The following PAPPA variants were observed in gnomAD, a reference collection of about 807,000 sequenced individuals.
PAPPA encodes the protein pappalysin-1.
In PAPPA, 60 loss-of-function variants were observed where a neutral mutation model predicts 164.0. The observed-to-expected ratio is 0.37, with a 90% CI of 0.30 to 0.45. The LOEUF (loss-of-function observed/expected upper bound fraction) is 0.45, where lower values mean the gene tolerates loss of function less well. Among genes scored for constraint, PAPPA ranks in the 20% least tolerant of loss-of-function variants. The pLI is 1.00. For missense variants in PAPPA, 1,782 were observed against 2,087.3 expected (o/e 0.85, Z 2.85); for synonymous variants, 875 against 814.1 (o/e 1.07, Z -1.27).
intron 10 of PAPPA, among the ~76,000 whole-genome samples, chr9:116,306,173 G>A (rs752762845): frequency 2.0e-5 from 3 of 152,214 alleles, no homozygotes; most frequent in Non-Finnish European, 4.4e-5. Context: ...CTGTGCTAGA[G>A]CCTGTGGAAG....
intron 7 of PAPPA, among the ~76,000 whole-genome samples, chr9:116,254,389 G>T (rs576449559): frequency 6.6e-6 from 1 of 152,278 alleles, no homozygotes; most frequent in Non-Finnish European, 1.5e-5. Context: ...GGGTTTACTT[G>T]TCAGTCTTTC....
At chr9:116,394,425 C>T (rs1263204557) in intron 21 of PAPPA, among the ~76,000 whole-genome samples, 3 of 152,112 alleles carry the variant, frequency 2.0e-5, no homozygotes, top group African/African-American at 7.2e-5. Flanking sequence ...GAGGGATTTT[C>T]CCAAAATCAT....
intron 20 of PAPPA, among the ~76,000 whole-genome samples, chr9:116,381,188 G>A (rs1846726137): frequency 6.6e-6 from 1 of 152,110 alleles, no homozygotes; most frequent in African/African-American, 2.4e-5. Context: ...GAGGAGATAA[G>A]GTCACTTAAC....
At chr9:116,324,199 A>T (rs895620391) in intron 10 of PAPPA, among the ~76,000 whole-genome samples, 1 of 152,214 alleles carries the variant, frequency 6.6e-6, no homozygotes, top group African/African-American at 2.4e-5. Flanking sequence ...ATCTATGGTT[A>T]AGAATGTGGG....
chr9:116,173,999 C>T (rs1488919902), intron 1 of PAPPA, among the ~76,000 whole-genome samples: 3 of 152,076 alleles, frequency 2.0e-5, no homozygotes, highest in African/African-American at 4.8e-5. Context: ...GGGGTTGAAC[C>T]CCATCTTTGT....
At chr9:116,177,626 A>G (rs1843852607) in intron 1 of PAPPA, among the ~76,000 whole-genome samples, 1 of 152,222 alleles carries the variant, frequency 6.6e-6, no homozygotes, top group Admixed American at 6.5e-5. Context: ...AGCAGGATGC[A>G]CTGGTCCTTG....
chr9:116,289,459 T>C (rs1170591025), intron 9 of PAPPA, among the ~76,000 whole-genome samples: 1 of 150,560 alleles, frequency 6.6e-6, no homozygotes, highest in Non-Finnish European at 1.5e-5. Flanking sequence ...TGCATTGTTT[T>C]ACTTAATGCT....
intron 12 of PAPPA, among the ~76,000 whole-genome samples, chr9:116,334,260 A>AAG (rs1846031647): frequency 6.7e-6 from 1 of 149,114 alleles, no homozygotes; most frequent in Non-Finnish European, 1.5e-5. Flanking sequence ...AAAAAAAAAA[A>AAG]CAGGGCTCTT....
At chr9:116,289,518 T>G (rs1263454288) in intron 9 of PAPPA, among the ~76,000 whole-genome samples, 1 of 151,658 alleles carries the variant, frequency 6.6e-6, no homozygotes, top group Non-Finnish European at 1.5e-5. Context: ...CATTGAATAT[T>G]CCCAATATTT....
In PAPPA at chr9:116,399,072, A is replaced by C. The variant is rs529237523; in HGVS notation, c.*2456A>C. On this transcript the variant is annotated 3_prime_UTR_variant, in exon 22 of 22. Coordinates refer to ENST00000328252, the MANE Select transcript of PAPPA (RefSeq NM_002581.5). ...AGACCCAAAGATGACATTACTAATG[A>C]TGTGATTTCAGGAGCCACAGAAGAA... The C allele has an allele frequency of 2.3e-5, 4 of 170,558 alleles. No homozygotes were observed. Among genetic ancestry groups the C allele is most frequent in the African/African-American group, 9.6e-5 (4 of 41,772 alleles). 10.6% of individuals were successfully genotyped at this position (170,558 alleles called of 1,614,324 possible). A position where few individuals can be genotyped will look rare whatever the true frequency, so the allele number is the denominator to read the frequency against.
At chr9:116,345,019 G>A (rs2118977725) in intron 14 of PAPPA, among the ~76,000 whole-genome samples, 1 of 152,328 alleles carries the variant, frequency 6.6e-6, no homozygotes, top group East Asian at 1.9e-4. Flanking sequence ...ATATCTTACA[G>A]TGAGAACATA....
chr9:116,337,805 G>A (rs1345751501), intron 13 of PAPPA, among the ~76,000 whole-genome samples: 1 of 152,078 alleles, frequency 6.6e-6, no homozygotes, highest in Non-Finnish European at 1.5e-5. Context: ...GAGTCCTGTA[G>A]CAAAACCAGT....
chr9:116,165,855 T>C (rs1036102680), intron 1 of PAPPA, among the ~76,000 whole-genome samples: 1 of 152,242 alleles, frequency 6.6e-6, no homozygotes, highest in African/African-American at 2.4e-5. Flanking sequence ...ACTTGTTCCC[T>C]ACCTTGTTCA....
intron 9 of PAPPA, among the ~76,000 whole-genome samples, chr9:116,299,682 G>T (rs761099626): frequency 6.6e-6 from 1 of 152,160 alleles, no homozygotes; most frequent in Non-Finnish European, 1.5e-5. Flanking sequence ...GTAGGGAGAA[G>T]ATTTCTCTGC....
intron 7 of PAPPA, among the ~76,000 whole-genome samples, chr9:116,249,575 A>T (rs1045524679): frequency 1.3e-5 from 2 of 152,184 alleles, no homozygotes; most frequent in African/African-American, 4.8e-5. Flanking sequence ...ATGGAGGCAT[A>T]GATCAAAATG....
chr9:116,277,298 T>C (rs1019490250), intron 9 of PAPPA, among the ~76,000 whole-genome samples: 2 of 152,138 alleles, frequency 1.3e-5, no homozygotes, highest in Non-Finnish European at 2.9e-5. Context: ...AAGCTTCCCT[T>C]GGCTTGAAGG....
intron 20 of PAPPA, among the ~76,000 whole-genome samples, chr9:116,377,873 G>C (rs1846676236): frequency 6.6e-6 from 1 of 152,186 alleles, no homozygotes; most frequent in South Asian, 2.1e-4. Context: ...ATGGGTAACA[G>C]AGTTGGGTTC....
intron 10 of PAPPA, among the ~76,000 whole-genome samples, chr9:116,330,529 T>C (rs1212933644): frequency 1.3e-5 from 2 of 152,148 alleles, no homozygotes; most frequent in Admixed American, 1.3e-4. Flanking sequence ...AGAATCCTGC[T>C]TGTCTATAAA....
At chr9:116,230,183 C>CT (rs1348967957) in intron 6 of PAPPA, among the ~76,000 whole-genome samples, 5 of 152,144 alleles carry the variant, frequency 3.3e-5, no homozygotes, top group African/African-American at 1.2e-4. Flanking sequence ...AGACACTGTT[C>CT]TTTTTTTAGA....
Sources: gnomAD v4.1 joint callset for allele counts (sites outside exome capture counted in the v4.1 genomes callset) on GRCh38, gnomAD v4.1.1 for gene constraint, MANE v1.5 for transcripts, NCBI Gene and HGNC (gene_info 2026-07-23, HGNC 2026-07-21) for gene names.